IGFBP5: variants seen among roughly 807,000 people sequenced by gnomAD.
IGFBP5 encodes insulin-like growth factor-binding protein 5.
IGFBP5 carries 12 observed loss-of-function variants against 28.0 expected under a neutral mutation model. The ratio of observed to expected loss-of-function variants is 0.43; its 90% CI spans 0.27 to 0.69. The LOEUF (loss-of-function observed/expected upper bound fraction) is 0.69. Among genes scored for constraint, IGFBP5 ranks in the 30% least tolerant of loss-of-function variants. The pLI, the probability that IGFBP5 is intolerant of heterozygous loss-of-function variation, is 0.20. For missense variants in IGFBP5, 344 were observed against 381.6 expected, an observed-to-expected ratio of 0.90 and a Z score of 0.82; for synonymous variants, 152 against 150.2, an observed-to-expected ratio of 1.01 and a Z score of -0.09.
chr2:216,681,340 A>G (rs1281852414), intron 1 of IGFBP5, among the ~76,000 whole-genome samples: 3 of 152,128 alleles, frequency 2.0e-5, no homozygotes, highest in East Asian at 3.9e-4. Context: ...GGGGGTTCAG[A>G]TTGGAGAAGC....
In IGFBP5 at chr2:216,694,547, C is replaced by G; in HGVS notation, c.229G>C (p.Gly77Arg). Residue 77 changes from glycine (G) to arginine (R), a missense_variant, in exon 1 of 4, where the codon GGG becomes CGG. Physicochemically the swap from Gly to Arg is moderately radical, Grantham distance 125. This residue lies in a region of IGFBP5 where 304 missense variants were observed against 329.2 expected (regional missense o/e 0.92). Transcript: ENST00000233813. The surrounding 1 kb of genome is among the most constrained non-coding windows in gnomAD (Gnocchi z 5.2). The part of the protein sequence containing the change: ...CGVYTERCAQ[G>R]LRCLPRQDEE... ...TCCTGCCGGGGGAGGCAGCGCAGCC[C>G]CTGGGCGCAGCGCTCGGTGTAGACG... The G allele has an allele frequency of 1.3e-6, 2 of 1,570,698 alleles. No homozygotes were observed. Among genetic ancestry groups the G allele is most frequent in the Non-Finnish European group, 1.7e-6 (2 of 1,161,014 alleles).
intron 1 of IGFBP5, among the ~76,000 whole-genome samples, chr2:216,693,524 A>C (rs1262990467): frequency 2.6e-5 from 4 of 151,864 alleles, no homozygotes; most frequent in Non-Finnish European, 5.9e-5. Context: ...ATAGGCGAGG[A>C]AGTTGAAAGC....
In IGFBP5 at chr2:216,678,902, G is replaced by C. The variant is rs1418573408; in HGVS notation, c.515C>G (p.Thr172Ser). 1 of 1,614,100 alleles carries C rather than the reference G, an allele frequency of 6.2e-7. No homozygotes were observed. The highest frequency in any genetic ancestry group is 2.2e-5 in the East Asian group (1 of 44,886). The change falls in exon 2 of 4, where the codon ACT becomes AGT. Residue 172 changes from threonine (T) to serine (S), a missense_variant. By Grantham distance (58) the Thr-to-Ser change is moderately conservative. Coordinates refer to ENST00000233813, the MANE Select transcript of IGFBP5 (RefSeq NM_000599.4). ...QSKFVGGAENTAHPRIISAPE... is the reference protein window; with the variant it reads ...QSKFVGGAENSAHPRIISAPE... ...TGCAGAGATGATCCGGGGGTGGGCA[G>C]TGTTCTCGGCTCCCCCGACAAACTT...
At position 216,672,232 on chromosome 2, in the gene IGFBP5, TC is replaced by T. The variant is rs1426516554; in HGVS notation, c.*4518del. Reference sequence around the variant, plus strand: ...CTTCACTTTTTAAGAAAATGTGAGATCCTTTGTTGGTTTTTTATTTCCTTAA... The same window carrying T: ...CTTCACTTTTTAAGAAAATGTGAGATCTTTGTTGGTTTTTTATTTCCTTAA... On this transcript the variant is annotated 3_prime_UTR_variant, in exon 4 of 4. Transcript: ENST00000233813. The T allele has an allele frequency of 6.6e-6, 1 of 151,644 alleles. No homozygotes were observed. Among genetic ancestry groups the T allele is most frequent in the Non-Finnish European group, 1.5e-5 (1 of 67,976 alleles). The allele number at this position is 151,644 out of a possible 1,614,324, so 9.4% of individuals were successfully genotyped here.
intron 1 of IGFBP5, among the ~76,000 whole-genome samples, chr2:216,690,600 A>G (rs551956043): frequency 1.3e-5 from 2 of 152,036 alleles, no homozygotes; most frequent in South Asian, 4.2e-4. Context: ...TCCTAGGGTC[A>G]GGCTGGTCCA....
intron 1 of IGFBP5, among the ~76,000 whole-genome samples, chr2:216,680,561 G>A (rs1268774713): frequency 1.3e-5 from 2 of 152,324 alleles, no homozygotes; most frequent in Non-Finnish European, 2.9e-5. Flanking sequence ...ATGGCAGGTG[G>A]CAGGAAGCAC....
rs1053460717 is a variant in IGFBP5, at chr2:216,672,938, A to C, written c.*3813T>G. 6.5e-5 allele frequency: 10 copies of C among 152,712 alleles called. No individual in the cohort carries two copies. The highest frequency in any genetic ancestry group is 2.4e-4 in the African/African-American group (10 of 41,468). The allele number at this position is 152,712 out of a possible 1,614,324, so 9.5% of individuals were successfully genotyped here. On this transcript the variant is annotated 3_prime_UTR_variant, in exon 4 of 4. Transcript: ENST00000233813. ...TAAAAACACAGACAGTACAAGGCCC[A>C]GGTTGCTGGCTGGTGAAACCCCTGT...
chr2:216,685,758 G>A (rs1574580915), intron 1 of IGFBP5, among the ~76,000 whole-genome samples: 4 of 152,350 alleles, frequency 2.6e-5, no homozygotes, highest in Middle Eastern at 3.4e-3. Context: ...AGTGGTTGTG[G>A]CAGGGGGAAG....
At chr2:216,678,782 T>G in intron 2 of IGFBP5, 68 bp downstream of exon 2, 2 of 1,320,674 alleles carry the variant, frequency 1.5e-6, no homozygotes, top group Non-Finnish European at 2.1e-6. Context: ...CCTGCCGCCA[T>G]GAATGTCCAT....
Position 216,679,257 on chromosome 2 carries a change from C to T in IGFBP5, c.338-178G>A. Reference sequence around the variant, plus strand: ...AGAACCAGGAAGCAGAGGGAATGCTCATTTAAGTGGCAGGAAGTTTCTGGC... The same window carrying T: ...AGAACCAGGAAGCAGAGGGAATGCTTATTTAAGTGGCAGGAAGTTTCTGGC... On this transcript the variant is annotated intron_variant, in intron 1 of 3. Coordinates refer to ENST00000233813, the MANE Select transcript of IGFBP5 (RefSeq NM_000599.4). This position sits in a 1 kb window ranked among gnomAD's most constrained non-coding sequence, Gnocchi z 4.6. 1 of 639,086 alleles carries T rather than the reference C, an allele frequency of 1.6e-6. No individual in the cohort carries two copies. Among genetic ancestry groups the T allele is most frequent in the Non-Finnish European group, 2.8e-6 (1 of 351,086 alleles). 39.6% of individuals were successfully genotyped at this position (639,086 alleles called of 1,614,324 possible). A position where few individuals can be genotyped will look rare whatever the true frequency, so the allele number is the denominator to read the frequency against.
intron 1 of IGFBP5, among the ~76,000 whole-genome samples, chr2:216,684,166 C>T (rs1689009946): frequency 6.6e-6 from 1 of 152,206 alleles, no homozygotes; most frequent in Non-Finnish European, 1.5e-5. Context: ...GTACCCTGCC[C>T]AAGCTCAACC....
rs1389713795 is a variant in IGFBP5 at position 216,692,314 on chromosome 2, A to C, written c.337+2125T>G. On this transcript the variant is annotated intron_variant, in intron 1 of 3. Coordinates refer to ENST00000233813, the MANE Select transcript of IGFBP5 (RefSeq NM_000599.4). The surrounding 1 kb of genome is among the most constrained non-coding windows in gnomAD (Gnocchi z 4.2). ...GCACTCAGAAGGTGGGGGTTGAGCAAGGGGCGGCAGGGAATTCTACAGGGG... is the reference window on the plus strand; with the variant it reads ...GCACTCAGAAGGTGGGGGTTGAGCACGGGGCGGCAGGGAATTCTACAGGGG... Among the ~76,000 whole-genome samples, 1 of 149,926 alleles carries C rather than the reference A, an allele frequency of 6.7e-6. No homozygotes were observed. Among genetic ancestry groups the C allele is most frequent in the Non-Finnish European group, 1.5e-5 (1 of 67,534 alleles).
intron 1 of IGFBP5, among the ~76,000 whole-genome samples, chr2:216,686,523 G>GCA (rs1689036426): frequency 6.6e-6 from 1 of 152,058 alleles, no homozygotes; most frequent in Non-Finnish European, 1.5e-5. Flanking sequence ...AGTCTGAGAA[G>GCA]GGAGGATGGC....
rs761540704 is a variant in IGFBP5, at chr2:216,692,575, C to T, written c.337+1864G>A. Among the ~76,000 whole-genome samples, 3 of 152,154 alleles carry T rather than the reference C, an allele frequency of 2.0e-5. No homozygotes were observed. Among genetic ancestry groups the T allele is most frequent in the Non-Finnish European group, 4.4e-5 (3 of 68,028 alleles). ...ACTGGATTGTTACCCAGGGCGGTGGCTCCCAAGCCGGGAAATCAATTAATG... is the reference window on the plus strand; with the variant it reads ...ACTGGATTGTTACCCAGGGCGGTGGTTCCCAAGCCGGGAAATCAATTAATG... On this transcript the variant is annotated intron_variant, in intron 1 of 3. Transcript: ENST00000233813. The surrounding 1 kb of genome is among the most constrained non-coding windows in gnomAD (Gnocchi z 4.2).
chr2:216,677,029 C>T (rs1457573899), intron 3 of IGFBP5, 147 bp from the exon 4 acceptor site: 2 of 792,700 alleles, frequency 2.5e-6, no homozygotes, highest in Non-Finnish European at 3.8e-6. Context: ...TTCTGGTGTC[C>T]CCATTTCACG....
Position 216,676,847 on chromosome 2 carries a change from G to A in IGFBP5, c.723C>T (p.Cys241=), listed in dbSNP as rs1235365943. The change falls in exon 4 of 4, where the codon TGC becomes TGT. Residue 241 remains cysteine, a synonymous_variant. Coordinates refer to ENST00000233813, the MANE Select transcript of IGFBP5 (RefSeq NM_000599.4). ...TCATCCCGTACTTGTCCACGCACCA[G>A]CAGATGCCACGTTTGCGGCCACGGG... is the stretch of plus-strand genomic sequence containing the variant. ...KPSRGRKRGI[C]WCVDKYGMKL... is the part of the protein sequence containing the mutation. 6.2e-7 allele frequency: 1 copy of A among 1,613,920 alleles called. No individual in the cohort carries two copies. Among genetic ancestry groups the A allele is most frequent in the Non-Finnish European group, 8.5e-7 (1 of 1,179,960 alleles).
intron 2 of IGFBP5, 31 bp from the exon 3 acceptor site, chr2:216,678,262 G>A (rs369905310): frequency 2.2e-5 from 33 of 1,487,984 alleles, no homozygotes; most frequent in Admixed American, 4.3e-5. Flanking sequence ...GAGGCGTGGC[G>A]AGACCAAGGG....
chr2:216,678,589 G>T (rs1044287231), intron 2 of IGFBP5, among the ~76,000 whole-genome samples: 1 of 152,166 alleles, frequency 6.6e-6, no homozygotes, highest in Non-Finnish European at 1.5e-5. Context: ...GCAGGGCCCA[G>T]GTACCTGGTA....
At chr2:216,690,508 C>CTTT (rs397695303) in intron 1 of IGFBP5, among the ~76,000 whole-genome samples, 1 of 151,798 alleles carries the variant, frequency 6.6e-6, no homozygotes, top group Non-Finnish European at 1.5e-5. Flanking sequence ...CTGGCTTCTT[C>CTTT]GCTCCATTAA....
Sources: gnomAD v4.1 joint callset for allele counts (sites outside exome capture counted in the v4.1 genomes callset) on GRCh38, gnomAD v4.1.1 for gene constraint, gnomAD v4.1.1 regional missense constraint, Gnocchi (gnomAD v3.1) non-coding constraint, MANE v1.5 for transcripts, NCBI Gene and HGNC (gene_info 2026-07-23, HGNC 2026-07-21) for gene names.